WDFY4: variants seen among roughly 807,000 people sequenced by gnomAD.
The protein encoded by WDFY4 is WD repeat- and FYVE domain-containing protein 4.
A neutral mutation model predicts 351.9 loss-of-function variants in WDFY4; 169 were observed. That is an observed-to-expected ratio of 0.48 (90% CI 0.42 to 0.55). WDFY4 has a LOEUF of 0.55. Ranked by LOEUF, WDFY4 falls within the 20% of genes least tolerant of loss-of-function variation. WDFY4 has a pLI of 0.00. For synonymous variants in WDFY4, 1,622 were observed against 1,574.6 expected (o/e 1.03, Z -0.71); for missense variants, 3,803 against 3,935.6 (o/e 0.97, Z 0.90).
At chr10:48,902,546 A>G (rs1837410809) in intron 47 of WDFY4, among the ~76,000 whole-genome samples, 1 of 151,990 alleles carries the variant, frequency 6.6e-6, no homozygotes, top group South Asian at 2.1e-4. Flanking sequence ...AATGGGTCTC[A>G]CTAATTCCTT....
At chr10:48,739,098 G>A (rs1039206354) in intron 11 of WDFY4, among the ~76,000 whole-genome samples, 1 of 152,198 alleles carries the variant, frequency 6.6e-6, no homozygotes, top group Non-Finnish European at 1.5e-5. Flanking sequence ...AGATTGATTT[G>A]CTAATATACA....
chr10:48,957,034 G>T, intron 51 of WDFY4, 95 bp from the exon 52 acceptor site: 2 of 1,461,586 alleles, frequency 1.4e-6, no homozygotes, highest in Non-Finnish European at 9.2e-7. Context: ...GGAGCTAATG[G>T]TGGAACCCGT....
chr10:48,930,415 G>A (rs1452155575), intron 47 of WDFY4, among the ~76,000 whole-genome samples: 2 of 152,198 alleles, frequency 1.3e-5, no homozygotes, highest in Admixed American at 6.5e-5. Flanking sequence ...ATGGCACGAC[G>A]GATTGTTTGA....
At chr10:48,787,857 CTTTCTTCTTCTTTCTTCT>C (rs1457047062) in intron 20 of WDFY4, among the ~76,000 whole-genome samples, 3 of 88,656 alleles carry the variant, frequency 3.4e-5, no homozygotes, top group Non-Finnish European at 4.3e-5. Context: ...TCTTCTTCTT[CTTTCTTCTTCTTTCTTCT>C]TTCTTTCTTC....
At chr10:48,731,696 C>G in intron 9 of WDFY4, 134 bp downstream of exon 9, 1 of 1,089,970 alleles carries the variant, frequency 9.2e-7, no homozygotes, top group Non-Finnish European at 1.3e-6. Flanking sequence ...ATGCTTGGGA[C>G]ACACAGTTTC....
intron 48 of WDFY4, among the ~76,000 whole-genome samples, chr10:48,942,371 C>CGT (rs1401749851): frequency 4.5e-5 from 1 of 22,114 alleles, no homozygotes. Flanking sequence ...GGGGAATGTG[C>CGT]GTGTGTGCGT....
intron 39 of WDFY4, among the ~76,000 whole-genome samples, chr10:48,843,398 A>G (rs1197103201): frequency 6.6e-6 from 1 of 152,362 alleles, no homozygotes; most frequent in Non-Finnish European, 1.5e-5. Flanking sequence ...ACCATTTGCA[A>G]TTCAACAATA....
chr10:48,890,932 T>C (rs1270601682), intron 44 of WDFY4, among the ~76,000 whole-genome samples: 15 of 152,238 alleles, frequency 9.9e-5, no homozygotes, highest in Non-Finnish European at 4.4e-5. Context: ...GACTGGGTAC[T>C]AATGTGGCAG....
intron 31 of WDFY4, among the ~76,000 whole-genome samples, chr10:48,816,490 C>T (rs2067625000): frequency 6.6e-6 from 1 of 152,102 alleles, no homozygotes; most frequent in African/African-American, 2.4e-5. Context: ...TGTTTTGGCC[C>T]TGCTCAGATC....
chr10:48,953,861 C>A (rs997394571), intron 51 of WDFY4, among the ~76,000 whole-genome samples: 1 of 152,198 alleles, frequency 6.6e-6, no homozygotes, highest in Non-Finnish European at 1.5e-5. Context: ...TTATGAATGT[C>A]TAATAGTGAT....
At chr10:48,963,663 G>A (rs1188246947) in intron 53 of WDFY4, among the ~76,000 whole-genome samples, 179 bp from the exon 54 acceptor site, 7 of 152,150 alleles carry the variant, frequency 4.6e-5, no homozygotes, top group Non-Finnish European at 1.0e-4. Context: ...CAGGACTAGG[G>A]TGGCCCTCGG....
At chr10:48,963,791 A>G in intron 53 of WDFY4, 51 bp from the exon 54 acceptor site, 3 of 1,524,540 alleles carry the variant, frequency 2.0e-6, no homozygotes, top group Non-Finnish European at 2.7e-6. Flanking sequence ...CAGCGAGTGC[A>G]TGAGTCCATG....
At chr10:48,754,757 A>C (rs1473617842) in intron 12 of WDFY4, among the ~76,000 whole-genome samples, 1 of 152,120 alleles carries the variant, frequency 6.6e-6, no homozygotes, top group African/African-American at 2.4e-5. Flanking sequence ...AAAGGTCAAT[A>C]AGTATTTGCT....
At chr10:48,805,070 C>T (rs1287574962) in intron 25 of WDFY4, among the ~76,000 whole-genome samples, 190 bp from the exon 26 acceptor site, 7 of 152,030 alleles carry the variant, frequency 4.6e-5, no homozygotes, top group Non-Finnish European at 4.4e-5. Context: ...AGTGCACACC[C>T]GAGCGACTCT....
At chr10:48,913,306 G>T in intron 47 of WDFY4, 1 of 1,265,718 alleles carries the variant, frequency 7.9e-7, no homozygotes, top group Non-Finnish European at 1.1e-6. Context: ...CCACAGGGGA[G>T]CCCTTGGTTT....
chr10:48,823,230 A>G lies in WDFY4; in HGVS notation c.5982+693A>G, dbSNP rs1251476698. 2.3e-6 allele frequency: 3 copies of G among 1,303,642 alleles called. No homozygotes were observed. In the African/African-American group the frequency reaches 4.6e-5, roughly 20 times the overall value. 80.8% of individuals were successfully genotyped at this position (1,303,642 alleles called of 1,614,324 possible). A position where few individuals can be genotyped will look rare whatever the true frequency, so the allele number is the denominator to read the frequency against. Reference sequence around the variant, plus strand: ...AGACTTTTCCTGACAAGCCTCCAGGAAACCTTTGCTCAAACCCTCCCTGTG... The same window carrying G: ...AGACTTTTCCTGACAAGCCTCCAGGGAACCTTTGCTCAAACCCTCCCTGTG... On this transcript the variant is annotated intron_variant, in intron 35 of 61. Coordinates refer to ENST00000325239, the MANE Select transcript of WDFY4 (RefSeq NM_001394531.1).
chr10:48,874,496 C>A (rs1222777537), intron 41 of WDFY4, among the ~76,000 whole-genome samples: 4 of 152,172 alleles, frequency 2.6e-5, no homozygotes, highest in African/African-American at 9.7e-5. Flanking sequence ...GTAACCTCAG[C>A]ATCTTTTACT....
Position 48,810,629 on chromosome 10 carries a change from G to C in WDFY4, c.4938G>C (p.Leu1646=). ...GCACCACTGTGCTGGCATTGAAGCT[G>C]CTGCTGTACTTTCTGGCAAGCCCCT... ...HASTTVLALK[L]LLYFLASPSL... The change falls in exon 29 of 62, where the codon CTG becomes CTC. Residue 1646 remains leucine, a synonymous_variant. Coordinates refer to ENST00000325239, the MANE Select transcript of WDFY4 (RefSeq NM_001394531.1). The C allele has an allele frequency of 6.4e-7, 1 of 1,551,712 alleles. No homozygotes were observed. Among genetic ancestry groups the C allele is most frequent in the Non-Finnish European group, 8.7e-7 (1 of 1,146,992 alleles).
intron 53 of WDFY4, among the ~76,000 whole-genome samples, chr10:48,960,957 GA>G (rs1841831973): frequency 6.6e-6 from 1 of 152,222 alleles, no homozygotes; most frequent in African/African-American, 2.4e-5. Context: ...CACACGGGGG[GA>G]CTTTTTGAGC....
Sources: gnomAD v4.1 joint callset for allele counts (sites outside exome capture counted in the v4.1 genomes callset) on GRCh38, gnomAD v4.1.1 for gene constraint, MANE v1.5 for transcripts, NCBI Gene and HGNC (gene_info 2026-07-23, HGNC 2026-07-21) for gene names.